TGFBR1: variants seen among roughly 807,000 people sequenced by gnomAD.
TGFBR1 encodes the protein transforming growth factor beta receptor 1.
TGFBR1 carries 20 observed loss-of-function variants against 55.1 expected under a neutral mutation model. That is an observed-to-expected ratio of 0.36 (90% CI 0.26 to 0.53). The LOEUF is 0.53. TGFBR1 is among the 20% of genes least tolerant of loss of function. TGFBR1 has a pLI of 0.91. For missense variants in TGFBR1, 385 were observed against 617.6 expected (o/e 0.62, Z 3.99); for synonymous variants, 220 against 214.8 (o/e 1.02, Z -0.21).
intron 1 of TGFBR1, among the ~76,000 whole-genome samples, chr9:99,113,380 C>T (rs1018724900): frequency 6.6e-6 from 1 of 152,198 alleles, no homozygotes; most frequent in Non-Finnish European, 1.5e-5. Context: ...ATGAACCAAA[C>T]ACTGGTGCAG....
Position 99,134,801 on chromosome 9 carries a change from A to ATT in TGFBR1, c.574+2063_574+2064dup, listed in dbSNP as rs3837281. On this transcript the variant is annotated intron_variant, in intron 3 of 8. Coordinates refer to ENST00000374994, the MANE Select transcript of TGFBR1 (RefSeq NM_004612.4). ...GAAACAATGGAATAATTCTGTTTCC[A>ATT]TTATATATATATATATATATATATA... 7.3e-3 allele frequency among the ~76,000 whole-genome samples: 359 copies of ATT among 48,938 alleles called. 12 individuals carry two copies. Among genetic ancestry groups the ATT allele is most frequent in the East Asian group, 0.034 (41 of 1,200 alleles). The allele number at this position is 48,938 out of a possible 152,430, so 32.1% of individuals were successfully genotyped here.
chr9:99,143,545 C>T lies in TGFBR1; in HGVS notation c.973+842C>T, dbSNP rs576327654. On this transcript the variant is annotated intron_variant, in intron 5 of 8. Coordinates refer to ENST00000374994, the MANE Select transcript of TGFBR1 (RefSeq NM_004612.4). ...CTCTGCTCTAGCAGTTGTCCACTTG[C>T]AACCCAATGGCTCCCCCACTCCCCA... 3.9e-5 allele frequency among the ~76,000 whole-genome samples: 6 copies of T among 152,370 alleles called. No individual in the cohort carries two copies. In the South Asian group the frequency reaches 1.0e-3, roughly 26 times the overall value.
chr9:99,105,685 C>A (rs1826391322), intron 1 of TGFBR1, among the ~76,000 whole-genome samples: 1 of 152,124 alleles, frequency 6.6e-6, no homozygotes, highest in Non-Finnish European at 1.5e-5. Flanking sequence ...CCGTGGCTGC[C>A]CGCCGCCGCC....
At chr9:99,123,004 T>C (rs1040171403) in intron 1 of TGFBR1, among the ~76,000 whole-genome samples, 6 of 152,282 alleles carry the variant, frequency 3.9e-5, no homozygotes, top group South Asian at 2.1e-4. Flanking sequence ...TCAGACTATA[T>C]ATATAAAGCA....
intron 4 of TGFBR1, among the ~76,000 whole-genome samples, chr9:99,142,228 A>AAGT (rs1314264563): frequency 6.6e-6 from 1 of 152,056 alleles, no homozygotes; most frequent in Non-Finnish European, 1.5e-5. Context: ...TTTTCTAGGC[A>AAGT]CTTAAGAGTG....
Position 99,133,830 on chromosome 9 carries a change from C to T in TGFBR1, c.574+1091C>T, listed in dbSNP as rs145695450. ...AATTTCACTAATTTTGGTGAAAGCCCATCTCTATTAAAAATGCAAAAAAAT... is the reference window on the plus strand; with the variant it reads ...AATTTCACTAATTTTGGTGAAAGCCTATCTCTATTAAAAATGCAAAAAAAT... On this transcript the variant is annotated intron_variant, in intron 3 of 8. Transcript: ENST00000374994. Among the ~76,000 whole-genome samples, 1,257 of 151,712 alleles carry T rather than the reference C, an allele frequency of 8.3e-3. 6 individuals carry two copies. The highest frequency in any genetic ancestry group is 0.013 in the South Asian group (64 of 4,806).
intron 1 of TGFBR1, among the ~76,000 whole-genome samples, chr9:99,107,405 C>T (rs186304139): frequency 2.6e-5 from 4 of 152,216 alleles, no homozygotes; most frequent in Admixed American, 2.6e-4. Flanking sequence ...GATTCCTTAT[C>T]CCTAGTGCAC....
chr9:99,140,009 C>T (rs1827561589), intron 4 of TGFBR1, among the ~76,000 whole-genome samples: 1 of 152,080 alleles, frequency 6.6e-6, no homozygotes, highest in Non-Finnish European at 1.5e-5. Flanking sequence ...TATTGGTTTT[C>T]TCAAAATACA....
At chr9:99,144,941 T>C in intron 6 of TGFBR1, 53 bp downstream of exon 6, 1 of 1,585,392 alleles carries the variant, frequency 6.3e-7, no homozygotes, top group Non-Finnish European at 8.6e-7. Context: ...CTTTTTTCCC[T>C]TCTCTTTCAT....
intron 1 of TGFBR1, among the ~76,000 whole-genome samples, chr9:99,124,780 TTTTA>T (rs1274890236): frequency 6.6e-6 from 1 of 152,162 alleles, no homozygotes; most frequent in East Asian, 1.9e-4. Context: ...ATCTTGATGT[TTTTA>T]TTTGTCTAGT....
intron 8 of TGFBR1, 117 bp from the exon 9 acceptor site, chr9:99,149,063 C>G: frequency 9.2e-7 from 1 of 1,092,594 alleles, no homozygotes. Flanking sequence ...ACAAATAATG[C>G]TTAAACAATA....
chr9:99,141,785 T>C (rs11568780), intron 4 of TGFBR1, among the ~76,000 whole-genome samples: 1 of 152,236 alleles, frequency 6.6e-6, no homozygotes, highest in Non-Finnish European at 1.5e-5. Flanking sequence ...GCTAGTGTCT[T>C]TACCATTATT....
chr9:99,114,699 G>A (rs1826683551), intron 1 of TGFBR1, among the ~76,000 whole-genome samples: 1 of 152,206 alleles, frequency 6.6e-6, no homozygotes, highest in Non-Finnish European at 1.5e-5. Context: ...GGAGGATAAT[G>A]AATAGAGAGC....
intron 4 of TGFBR1, 54 bp downstream of exon 4, chr9:99,138,143 T>A (rs1325493358): frequency 1.1e-5 from 16 of 1,479,604 alleles, no homozygotes; most frequent in African/African-American, 8.3e-5. Context: ...TCTTTAAGTC[T>A]TTACAGATAT....
rs770511883 is a variant in TGFBR1, at chr9:99,132,557, C to G, written c.392C>G (p.Ala131Gly). ...CCTGTGGAACTGGCAGCTGTCATTG[C>G]TGGACCAGTGTGCTTCGTCTGCATC... Reference protein sequence around the residue: ...LGPVELAAVIAGPVCFVCISL... With the variant: ...LGPVELAAVIGGPVCFVCISL... The change falls in exon 3 of 9, where the codon GCT (alanine) becomes GGT (glycine). Residue 131 changes from alanine (A) to glycine (G), a missense_variant. This residue lies in a region of TGFBR1 where 146 missense variants were observed against 167.7 expected (regional missense o/e 0.87). Transcript: ENST00000374994. The G allele has an allele frequency of 6.2e-7, 1 of 1,614,140 alleles. No homozygotes were observed.
intron 1 of TGFBR1, among the ~76,000 whole-genome samples, chr9:99,122,469 A>G (rs111475352): frequency 1.9e-4 from 29 of 152,190 alleles, no homozygotes; most frequent in Middle Eastern, 3.4e-3. Context: ...AAATGAGGCA[A>G]CCAAGGAAAT....
Position 99,105,132 on chromosome 9 carries a change from C to G in TGFBR1, c.-74C>G. On this transcript the variant is annotated 5_prime_UTR_variant, in exon 1 of 9. Coordinates refer to ENST00000374994, the MANE Select transcript of TGFBR1 (RefSeq NM_004612.4). Reference sequence around the variant, plus strand: ...CGCCGCGGCGGCTAGGGAGGTGGGGCGAGGCGAGGTTTGCTGGGGTGAGGC... The same window carrying G: ...CGCCGCGGCGGCTAGGGAGGTGGGGGGAGGCGAGGTTTGCTGGGGTGAGGC... The G allele has an allele frequency of 9.5e-7, 1 of 1,052,090 alleles. No individual in the cohort carries two copies. Among genetic ancestry groups the G allele is most frequent in the Non-Finnish European group, 1.2e-6 (1 of 867,082 alleles). The allele number at this position is 1,052,090 out of a possible 1,614,324, so 65.2% of individuals were successfully genotyped here.
chr9:99,115,686 C>T lies in TGFBR1; in HGVS notation c.97+10384C>T, dbSNP rs190205281. 1.5e-3 allele frequency among the ~76,000 whole-genome samples: 233 copies of T among 152,146 alleles called. 2 individuals are homozygous for T. The highest frequency in any genetic ancestry group is 1.4e-3 in the Non-Finnish European group (94 of 68,004). On this transcript the variant is annotated intron_variant, in intron 1 of 8. Transcript: ENST00000374994. ...TCTAATTGGGTCTCTTTGTTCAGCA[C>T]GTGGTTGTTGATTTGAGTACTTTCT... is the stretch of plus-strand genomic sequence containing the variant.
rs1264918498 is a variant in TGFBR1 at position 99,105,121 on chromosome 9, G to A, written c.-85G>A. On this transcript the variant is annotated 5_prime_UTR_variant, in exon 1 of 9. Transcript: ENST00000374994. ...CGGAGCGAGGCCGCCGCGGCGGCTA[G>A]GGAGGTGGGGCGAGGCGAGGTTTGC... 3.9e-6 allele frequency: 4 copies of A among 1,019,126 alleles called. No individual in the cohort carries two copies. Among genetic ancestry groups the A allele is most frequent in the Middle Eastern group, 4.4e-4 (1 of 2,258 alleles). The allele number at this position is 1,019,126 out of a possible 1,614,324, so 63.1% of individuals were successfully genotyped here.
Sources: allele counts gnomAD v4.1 joint callset (sites outside exome capture counted in the v4.1 genomes callset), GRCh38; gene constraint gnomAD v4.1.1; regional missense constraint gnomAD v4.1.1; transcripts MANE v1.5; gene names NCBI Gene and HGNC (gene_info 2026-07-23, HGNC 2026-07-21).